Variants in CYP21A2 observed in about 807,000 individuals in gnomAD.
CYP21A2 encodes the protein steroid 21-hydroxylase.
Under a neutral mutation model 47.4 loss-of-function variants are expected in CYP21A2, and 24 were observed. That is an observed-to-expected ratio of 0.51 (90% CI 0.37 to 0.71). The LOEUF is 0.71. Ranked by LOEUF, CYP21A2 falls within the 30% of genes least tolerant of loss-of-function variation. The probability of loss-of-function intolerance (pLI) is 0.00; values close to 1 mark genes in which losing one functional copy is unlikely to be tolerated. For missense variants in CYP21A2, 358 were observed against 643.2 expected (o/e 0.56, Z 4.80); for synonymous variants, 130 against 273.9 (o/e 0.47, Z 5.19).
At chr6:32,039,926 C>A (rs1443598369) in intron 6 of CYP21A2, 79 bp from the exon 7 acceptor site, 4 of 1,607,430 alleles carry the variant, frequency 2.5e-6, no homozygotes, top group Non-Finnish European at 3.4e-6. Flanking sequence ...CTTTTGCATA[C>A]CCCAGTTATG....
At position 32,038,553 on chromosome 6, in the gene CYP21A2, A is replaced by G. The variant is rs764569922; in HGVS notation, c.131A>G (p.Asp44Gly). The change falls in exon 1 of 10, where the codon GAC (aspartate) becomes GGC (glycine). Residue 44 changes from aspartate (D) to glycine (G), a missense_variant. Transcript: ENST00000644719. The part of the protein sequence containing the change: ...APGFLHLLQP[D>G]LPIYLLGLTQ... ...GGCTTCTTGCACCTGCTGCAGCCCGACCTCCCCATCTATCTGCTTGGCCTG... is the reference window on the plus strand; with the variant it reads ...GGCTTCTTGCACCTGCTGCAGCCCGGCCTCCCCATCTATCTGCTTGGCCTG... 9.4e-6 allele frequency: 15 copies of G among 1,601,522 alleles called. No individual in the cohort carries two copies. The South Asian group carries it at 1.2e-4, about 13-fold the overall frequency.
chr6:32,040,541 G>A lies in CYP21A2; in HGVS notation c.1075G>A (p.Val359Ile), dbSNP rs373579128. 2.9e-5 allele frequency: 46 copies of A among 1,613,532 alleles called. No individual in the cohort carries two copies. The highest frequency in any genetic ancestry group is 1.3e-4 in the African/African-American group (10 of 74,952). ...TIAEVLRLRP[V>I]VPLALPHRTT... ...CGCCGAGGTGCTGCGCCTGCGGCCC[G>A]TTGTGCCCTTAGCCTTGCCCCACCG... The change falls in exon 8 of 10, where the codon GTT (valine) becomes ATT (isoleucine). Residue 359 changes from valine (V) to isoleucine (I), a missense_variant. Val to Ile is a conservative substitution (Grantham distance 29). Transcript: ENST00000644719.
At chr6:32,039,062 T>TTCCCCCCCC in intron 2 of CYP21A2, 32 bp from the exon 3 acceptor site, 10 of 1,565,788 alleles carry the variant, frequency 6.4e-6, no homozygotes, top group African/African-American at 1.4e-5. Flanking sequence ...CTTCATCAGT[T>TTCCCCCCCC]CCCACCCTCC....
At chr6:32,038,840 TA>T (rs755425808) in intron 2 of CYP21A2, 29 bp downstream of exon 2, 2 of 1,463,790 alleles carry the variant, frequency 1.4e-6, no homozygotes, top group African/African-American at 1.4e-5. Flanking sequence ...TTTTCTTTCT[TA>T]AAAAAATTTT....
In CYP21A2 at chr6:32,038,989, G is replaced by C. The variant is rs1260651940; in HGVS notation, c.293-105G>C. 5.8e-6 allele frequency: 9 copies of C among 1,545,806 alleles called. 1 individual carries two copies. The highest frequency in any genetic ancestry group is 2.7e-5 in the African/African-American group (2 of 72,898). On this transcript the variant is annotated intron_variant, in intron 2 of 9. Coordinates refer to ENST00000644719, the MANE Select transcript of CYP21A2 (RefSeq NM_000500.9). ...CCAGGTCCCTGGAAGCTCTTGGGGG[G>C]GCATATCTGGTGGGGAGAAAGCAGG...
rs200778936 is a variant in CYP21A2, at chr6:32,040,015, T to C, written c.749T>C (p.Val250Ala). ...MQLRQHKESLVAGQWRDMMDY... is the reference protein window; with the variant it reads ...MQLRQHKESLAAGQWRDMMDY... The stretch of plus-strand genomic sequence containing the variant: ...TTTCACCCTCTGCAGGAGAGCCTCG[T>C]GGCAGGCCAGTGGAGGGACATGATG... The change falls in exon 7 of 10, where the codon GTG becomes GCG. Residue 250 changes from valine to alanine, a missense_variant. By Grantham distance (64) the Val-to-Ala change is moderately conservative. Coordinates refer to ENST00000644719, the MANE Select transcript of CYP21A2 (RefSeq NM_000500.9). 9.1e-5 allele frequency: 147 copies of C among 1,610,948 alleles called. No homozygotes were observed. Among genetic ancestry groups the C allele is most frequent in the Non-Finnish European group, 1.2e-4 (140 of 1,178,970 alleles).
chr6:32,039,065 C>T, intron 2 of CYP21A2, 29 bp from the exon 3 acceptor site: 1 of 1,581,346 alleles, frequency 6.3e-7, no homozygotes, highest in South Asian at 1.2e-5. Context: ...CATCAGTTCC[C>T]ACCCTCCAGC....
chr6:32,040,296 G>C, intron 7 of CYP21A2, 91 bp downstream of exon 7: 1 of 1,611,880 alleles, frequency 6.2e-7, no homozygotes, highest in Non-Finnish European at 8.5e-7. Flanking sequence ...TGTGCGGCTG[G>C]GGCTGTGCTT....
In CYP21A2 at chr6:32,040,209, C is replaced by T. The variant is rs780412947; in HGVS notation, c.939+4C>T. On this transcript the variant is annotated splice_donor_region_variant and intron_variant, in intron 7 of 9. Transcript: ENST00000644719. Reference sequence around the variant, plus strand: ...TTTTTTGCTTCACCACCCTGAGGTGCGTCCTGGGGACAAGCAAAAGGCTCC... The same window carrying T: ...TTTTTTGCTTCACCACCCTGAGGTGTGTCCTGGGGACAAGCAAAAGGCTCC... 13 of 1,612,754 alleles carry T rather than the reference C, an allele frequency of 8.1e-6. No individual in the cohort carries two copies. The East Asian group carries it at 2.5e-4, about 30-fold the overall frequency.
In CYP21A2 at chr6:32,039,115, A is replaced by G. The variant is rs1478492179; in HGVS notation, c.314A>G (p.Tyr105Cys). Residue 105 changes from tyrosine (Y) to cysteine (C), a missense_variant, in exon 3 of 10, where the codon TAC becomes TGC. Tyr to Cys is a radical substitution (Grantham distance 194, BLOSUM62 -2). Coordinates refer to ENST00000644719, the MANE Select transcript of CYP21A2 (RefSeq NM_000500.9). The stretch of plus-strand genomic sequence containing the variant: ...GCAGACAAGCTGGTGTCTAGGAACT[A>G]CCCGGACCTGTCCTTGGGAGACTAC... ...PLTYKLVSRN[Y>C]PDLSLGDYSL... The G allele has an allele frequency of 6.2e-7, 1 of 1,608,884 alleles. No individual in the cohort carries two copies. The highest frequency in any genetic ancestry group is 8.5e-7 in the Non-Finnish European group (1 of 1,177,948).
In CYP21A2 at chr6:32,039,175, G is replaced by A. The variant is rs72552750; in HGVS notation, c.374G>A (p.Arg125His). ...LLWKAHKKLT[R>H]SALLLGIRDS... ...TGGAAAGCCCACAAGAAGCTCACCC[G>A]CTCAGCCCTGCTGCTGGGCATCCGT... is the stretch of plus-strand genomic sequence containing the variant. The change falls in exon 3 of 10, where the codon CGC (arginine) becomes CAC (histidine). Residue 125 changes from arginine (R) to histidine (H), a missense_variant. Physicochemically the swap from Arg to His is conservative, Grantham distance 29 (BLOSUM62 0). Transcript: ENST00000644719. 1.4e-5 allele frequency: 23 copies of A among 1,597,076 alleles called. No individual in the cohort carries two copies. The East Asian group carries it at 1.8e-4, about 13-fold the overall frequency.
chr6:32,041,591 G>T lies in CYP21A2; in HGVS notation c.*457G>T, dbSNP rs1181736146. 1.9e-6 allele frequency: 2 copies of T among 1,069,398 alleles called. No homozygotes were observed. The highest frequency in any genetic ancestry group is 2.8e-6 in the Non-Finnish European group (2 of 715,198). 66.2% of individuals were successfully genotyped at this position (1,069,398 alleles called of 1,614,324 possible). A position where few individuals can be genotyped will look rare whatever the true frequency, so the allele number is the denominator to read the frequency against. ...TGACCCTCCGCTGCAGAGGATTGAGGCTTAATTCTGAGCTGGCCCTTTCCA... is the reference window on the plus strand; with the variant it reads ...TGACCCTCCGCTGCAGAGGATTGAGTCTTAATTCTGAGCTGGCCCTTTCCA... On this transcript the variant is annotated 3_prime_UTR_variant, in exon 10 of 10. Transcript: ENST00000644719.
rs369087577 is a variant in CYP21A2, at chr6:32,040,211, T to C, written c.939+6T>C. The C allele has an allele frequency of 5.6e-6, 9 of 1,612,834 alleles. No homozygotes were observed. In the East Asian group the frequency reaches 1.8e-4, roughly 32 times the overall value. On this transcript the variant is annotated splice_donor_region_variant and intron_variant, in intron 7 of 9. Transcript: ENST00000644719. ...TTTTGCTTCACCACCCTGAGGTGCG[T>C]CCTGGGGACAAGCAAAAGGCTCCTT...
chr6:32,040,224 C>G lies in CYP21A2; in HGVS notation c.939+19C>G, dbSNP rs764955614. Reference sequence around the variant, plus strand: ...CCCTGAGGTGCGTCCTGGGGACAAGCAAAAGGCTCCTTCCCAGCAACCTGG... The same window carrying G: ...CCCTGAGGTGCGTCCTGGGGACAAGGAAAAGGCTCCTTCCCAGCAACCTGG... On this transcript the variant is annotated intron_variant, in intron 7 of 9. Coordinates refer to ENST00000644719, the MANE Select transcript of CYP21A2 (RefSeq NM_000500.9). The G allele has an allele frequency of 5.0e-6, 8 of 1,612,686 alleles. No homozygotes were observed. The South Asian group carries it at 7.7e-5, about 15-fold the overall frequency.
intron 4 of CYP21A2, 42 bp from the exon 5 acceptor site, chr6:32,039,504 C>T (rs1776107254): frequency 6.4e-7 from 1 of 1,571,918 alleles, no homozygotes; most frequent in Non-Finnish European, 8.6e-7. Context: ...CCCTGAGCCT[C>T]TCCTTGTCCT....
rs1472203567 is a variant in CYP21A2, at chr6:32,039,577, G to A, written c.581G>A (p.Cys194Tyr). ...DDNLMPAYYK[C>Y]IQEVLKTWSH... ...AACTTAATGCCTGCCTATTACAAAT[G>A]TATCCAGGAGGTGTTAAAAACCTGG... is the stretch of plus-strand genomic sequence containing the variant. Residue 194 changes from cysteine (C) to tyrosine (Y), a missense_variant, in exon 5 of 10, where the codon TGT becomes TAT. Coordinates refer to ENST00000644719, the MANE Select transcript of CYP21A2 (RefSeq NM_000500.9). 1 of 1,580,036 alleles carries A rather than the reference G, an allele frequency of 6.3e-7. No homozygotes were observed. The highest frequency in any genetic ancestry group is 8.6e-7 in the Non-Finnish European group (1 of 1,161,294).
intron 4 of CYP21A2, 38 bp downstream of exon 4, chr6:32,039,495 CCT>C: frequency 6.4e-7 from 1 of 1,571,734 alleles, no homozygotes; most frequent in Non-Finnish European, 8.6e-7. Flanking sequence ...CCAGCCCCTC[CCT>C]GAGCCTCTCC....
chr6:32,039,152 G>A lies in CYP21A2; in HGVS notation c.351G>A (p.Trp117Ter). The A allele has an allele frequency of 6.2e-7, 1 of 1,611,082 alleles. No individual in the cohort carries two copies. Among genetic ancestry groups the A allele is most frequent in the South Asian group, 1.1e-5 (1 of 90,374 alleles). ...DLSLGDYSLL[W>*]KAHKKLTRSA... is the part of the protein sequence containing the mutation. ...CCTTGGGAGACTACTCCCTGCTCTG[G>A]AAAGCCCACAAGAAGCTCACCCGCT... The change falls in exon 3 of 10, where the codon TGG (tryptophan) becomes TGA (stop). Residue 117 changes from tryptophan to a stop codon, truncating the protein, a stop_gained. Transcript: ENST00000644719. LOFTEE classifies it high-confidence loss of function.
At chr6:32,039,920 T>C (rs924892425) in intron 6 of CYP21A2, 85 bp downstream of exon 6, 129 of 1,606,462 alleles carry the variant, frequency 8.0e-5, no homozygotes, top group Non-Finnish European at 1.0e-4. Context: ...CGGGTTCTTT[T>C]GCATACCCCA....
Sources: gnomAD v4.1 joint callset for allele counts on GRCh38, gnomAD v4.1.1 for gene constraint, MANE v1.5 for transcripts, NCBI Gene and HGNC (gene_info 2026-07-23, HGNC 2026-07-21) for gene names.